PHC2: variants seen among roughly 807,000 people sequenced by gnomAD.
The protein encoded by PHC2 is polyhomeotic homolog 2.
PHC2 carries 29 observed loss-of-function variants against 87.4 expected under a neutral mutation model. That is an observed-to-expected ratio of 0.33 (90% CI 0.25 to 0.45). The LOEUF (loss-of-function observed/expected upper bound fraction) is 0.45, where lower values mean the gene tolerates loss of function less well. Ranked by LOEUF, PHC2 falls within the 20% of genes least tolerant of loss-of-function variation. The pLI is 1.00. For synonymous variants in PHC2, 438 were observed against 461.7 expected, an observed-to-expected ratio of 0.95 and a Z score of 0.66; for missense variants, 857 against 1,136.7, an observed-to-expected ratio of 0.75 and a Z score of 3.54.
chr1:33,338,468 C>G (rs1014002952), intron 9 of PHC2, among the ~76,000 whole-genome samples: 12 of 152,280 alleles, frequency 7.9e-5, no homozygotes, highest in African/African-American at 2.9e-4. Flanking sequence ...TTGCAGTCAT[C>G]TTGTAGACCA....
intron 7 of PHC2, among the ~76,000 whole-genome samples, chr1:33,360,295 G>A (rs1195842828): frequency 6.6e-6 from 1 of 152,244 alleles, no homozygotes; most frequent in South Asian, 2.1e-4. Context: ...AATACTTGCT[G>A]TGTACAGGAT....
chr1:33,407,164 A>C (rs1365002484), intron 1 of PHC2, among the ~76,000 whole-genome samples: 1 of 152,190 alleles, frequency 6.6e-6, no homozygotes, highest in Non-Finnish European at 1.5e-5. Context: ...CTTCTTGCAG[A>C]TATTTTCAAG....
At chr1:33,379,915 G>A (rs1648411253) in intron 1 of PHC2, among the ~76,000 whole-genome samples, 1 of 152,084 alleles carries the variant, frequency 6.6e-6, no homozygotes, top group South Asian at 2.1e-4. Context: ...TGCTGCACAT[G>A]CTCCAGCTCT....
intron 7 of PHC2, among the ~76,000 whole-genome samples, chr1:33,357,993 G>C (rs72658260): frequency 0.097 from 14,737 of 152,106 alleles, 1,030 homozygotes; most frequent in East Asian, 0.28. Context: ...CTGGCTGTGC[G>C]GCCTGAGACA....
intron 12 of PHC2, among the ~76,000 whole-genome samples, chr1:33,330,864 A>G (rs1180292458): frequency 6.6e-6 from 1 of 152,228 alleles, no homozygotes; most frequent in African/African-American, 2.4e-5. Flanking sequence ...GACAATAGTA[A>G]TACCTGTCTT....
At chr1:33,366,273 T>A (rs2148316160) in intron 7 of PHC2, among the ~76,000 whole-genome samples, 1 of 152,348 alleles carries the variant, frequency 6.6e-6, no homozygotes, top group Non-Finnish European at 1.5e-5. Flanking sequence ...CCACTCTATT[T>A]ATTTCTATGG....
At chr1:33,351,379 A>G (rs1646968990) in intron 9 of PHC2, among the ~76,000 whole-genome samples, 1 of 152,236 alleles carries the variant, frequency 6.6e-6, no homozygotes, top group Non-Finnish European at 1.5e-5. Context: ...ATTGGGCTGT[A>G]GTTTGTCAAC....
rs117851456 is a variant in PHC2 at position 33,391,394 on chromosome 1, A to C, written c.-54-15801T>G. Among the ~76,000 whole-genome samples, 59 of 152,336 alleles carry C rather than the reference A, an allele frequency of 3.9e-4. 1 individual carries two copies. In the East Asian group the frequency reaches 0.011, roughly 28 times the overall value. On this transcript the variant is annotated intron_variant, in intron 1 of 14. Transcript: ENST00000683057. ...GCATCAAGTTCATTCCATTTAGTAC[A>C]TGTACTCAGAAAGGGGATTTGAGCC...
chr1:33,394,530 T>G (rs757271150), intron 1 of PHC2, among the ~76,000 whole-genome samples: 11 of 152,068 alleles, frequency 7.2e-5, no homozygotes, highest in Non-Finnish European at 1.2e-4. Flanking sequence ...AACTAAGAAT[T>G]TTTTGGTAGG....
At chr1:33,409,219 G>T (rs933674890) in intron 1 of PHC2, among the ~76,000 whole-genome samples, 2 of 152,046 alleles carry the variant, frequency 1.3e-5, no homozygotes, top group Non-Finnish European at 2.9e-5. Flanking sequence ...AATCCCAGGG[G>T]TTCACAAAGA....
intron 1 of PHC2, among the ~76,000 whole-genome samples, chr1:33,400,805 G>C (rs747448774): frequency 1.3e-5 from 2 of 152,112 alleles, no homozygotes; most frequent in Non-Finnish European, 2.9e-5. Flanking sequence ...ATGTTGACAG[G>C]AAAGATCTCT....
chr1:33,373,391 G>C (rs1647979367), intron 2 of PHC2, among the ~76,000 whole-genome samples: 1 of 152,122 alleles, frequency 6.6e-6, no homozygotes, highest in African/African-American at 2.4e-5. Context: ...AAAGTGCTGG[G>C]ATTACAGGCG....
chr1:33,351,514 C>T (rs1646971570), intron 9 of PHC2, among the ~76,000 whole-genome samples: 1 of 152,176 alleles, frequency 6.6e-6, no homozygotes, highest in Non-Finnish European at 1.5e-5. Flanking sequence ...GCATTTATCG[C>T]ATTTTACTTT....
At position 33,349,308 on chromosome 1, in the gene PHC2, G is replaced by A. The variant is rs1294739827; in HGVS notation, c.1558+5093C>T. 1.0e-6 allele frequency: 1 copy of A among 985,246 alleles called. No individual in the cohort carries two copies. Among genetic ancestry groups the A allele is most frequent in the African/African-American group, 1.7e-5 (1 of 57,256 alleles). The allele number at this position is 985,246 out of a possible 1,614,324, so 61.0% of individuals were successfully genotyped here. ...CGCAGCGGCGGGGAGGCCGGTCCTA[G>A]GTTGGGGCTGGGGTGGGGTGTGCGG... On this transcript the variant is annotated intron_variant, in intron 9 of 14. Coordinates refer to ENST00000683057, the MANE Select transcript of PHC2 (RefSeq NM_001385109.1). The surrounding 1 kb of genome is among the most constrained non-coding windows in gnomAD (Gnocchi z 4.2).
chr1:33,383,061 T>C (rs1293205024), intron 1 of PHC2, among the ~76,000 whole-genome samples: 4 of 152,210 alleles, frequency 2.6e-5, no homozygotes, highest in East Asian at 3.8e-4. Flanking sequence ...GGTGAACATA[T>C]TCCTTTGCTG....
chr1:33,392,167 GCACA>G lies in PHC2; in HGVS notation c.-54-16578_-54-16575del, dbSNP rs145325204. On this transcript the variant is annotated intron_variant, in intron 1 of 14. Coordinates refer to ENST00000683057, the MANE Select transcript of PHC2 (RefSeq NM_001385109.1). ...GCTTCAGCTGTGTGCACACATACGT[GCACA>G]CACACACACACACACACATGCACAT... Among the ~76,000 whole-genome samples the G allele has an allele frequency of 2.8e-3, 419 of 150,334 alleles. 2 individuals are homozygous for G. Among genetic ancestry groups the G allele is most frequent in the African/African-American group, 9.1e-3 (374 of 40,974 alleles).
Position 33,368,769 on chromosome 1 carries a change from G to A in PHC2, c.577-147C>T, listed in dbSNP as rs1032999203. 2.2e-5 allele frequency: 15 copies of A among 678,234 alleles called. No individual in the cohort carries two copies. Among genetic ancestry groups the A allele is most frequent in the African/African-American group, 1.2e-4 (7 of 56,138 alleles). 42.0% of individuals were successfully genotyped at this position (678,234 alleles called of 1,614,324 possible). A position where few individuals can be genotyped will look rare whatever the true frequency, so the allele number is the denominator to read the frequency against. ...GGACACAACTGTTTAGCCCAGGAGCGGCTATGAGGAAGGGCAGGACAGTAG... is the reference window on the plus strand; with the variant it reads ...GGACACAACTGTTTAGCCCAGGAGCAGCTATGAGGAAGGGCAGGACAGTAG... On this transcript the variant is annotated intron_variant, in intron 5 of 14. Coordinates refer to ENST00000683057, the MANE Select transcript of PHC2 (RefSeq NM_001385109.1). This position sits in a 1 kb window ranked among gnomAD's most constrained non-coding sequence, Gnocchi z 6.6.
intron 14 of PHC2, chr1:33,325,938 C>T: frequency 2.2e-6 from 1 of 456,066 alleles, no homozygotes; most frequent in South Asian, 1.6e-5. Context: ...GTCTCATGGC[C>T]TTTAGGGAAG....
chr1:33,423,790 T>C (rs535992751), intron 1 of PHC2, among the ~76,000 whole-genome samples: 1 of 152,338 alleles, frequency 6.6e-6, no homozygotes, highest in South Asian at 2.1e-4. Flanking sequence ...TGAAAATACA[T>C]ATTTTTTATT....
Sources: gnomAD v4.1 joint callset for allele counts (sites outside exome capture counted in the v4.1 genomes callset) on GRCh38, gnomAD v4.1.1 for gene constraint, Gnocchi (gnomAD v3.1) non-coding constraint, MANE v1.5 for transcripts, NCBI Gene and HGNC (gene_info 2026-07-23, HGNC 2026-07-21) for gene names.